Variants in CRTAM observed in about 807,000 individuals in gnomAD.
CRTAM encodes the protein cytotoxic and regulatory T cell molecule.
In CRTAM, 44 loss-of-function variants were observed where a neutral mutation model predicts 50.0. That is an observed-to-expected ratio of 0.88 (90% CI 0.69 to 1.13). The LOEUF is 1.13. CRTAM is among the 50% of genes most tolerant of loss of function. The pLI, the probability that CRTAM is intolerant of heterozygous loss-of-function variation, is 0.00. For missense variants in CRTAM, 448 were observed against 457.5 expected (o/e 0.98, Z 0.19); for synonymous variants, 159 against 169.3 (o/e 0.94, Z 0.47).
In CRTAM at chr11:122,864,704, C is replaced by T; in HGVS notation, c.802C>T (p.Pro268Ser). The change falls in exon 7 of 10, where the codon CCT becomes TCT. Residue 268 changes from proline to serine, a missense_variant. By Grantham distance (74) the Pro-to-Ser change is moderately conservative. Transcript: ENST00000227348. ...AGAGAAAGAACAAACCACTCAAGAT[C>T]CTGACTTGACCACCGGTAAGTGTCA... ...KEEKEQTTQD[P>S]DLTTEANPQY... 2 of 1,612,008 alleles carry T rather than the reference C, an allele frequency of 1.2e-6. No homozygotes were observed. Among genetic ancestry groups the T allele is most frequent in the Non-Finnish European group, 1.7e-6 (2 of 1,178,174 alleles).
intron 6 of CRTAM, among the ~76,000 whole-genome samples, chr11:122,863,334 AAAG>A (rs1862120787): frequency 2.3e-5 from 2 of 87,244 alleles, no homozygotes; most frequent in South Asian, 3.8e-4. Flanking sequence ...AGAAAGAAAG[AAAG>A]AAAGAAAGAA....
chr11:122,864,986 T>G (rs1287495338), intron 7 of CRTAM, among the ~76,000 whole-genome samples: 1 of 152,170 alleles, frequency 6.6e-6, no homozygotes, highest in Non-Finnish European at 1.5e-5. Flanking sequence ...TAAATGTGTA[T>G]GTACTTCTGA....
intron 1 of CRTAM, among the ~76,000 whole-genome samples, chr11:122,839,606 A>G (rs533985941): frequency 1.3e-5 from 2 of 152,282 alleles, no homozygotes; most frequent in African/African-American, 4.8e-5. Context: ...ATTATTTTCT[A>G]CCCAAAAGTG....
intron 1 of CRTAM, among the ~76,000 whole-genome samples, chr11:122,846,253 A>G (rs751027200): frequency 7.2e-5 from 11 of 152,216 alleles, no homozygotes; most frequent in Non-Finnish European, 1.6e-4. Context: ...TAGCATTTCA[A>G]TAGCAAACAA....
rs892412253 is a variant in CRTAM, at chr11:122,851,869, G to C, written c.346+24G>C. On this transcript the variant is annotated intron_variant, in intron 3 of 9. Coordinates refer to ENST00000227348, the MANE Select transcript of CRTAM (RefSeq NM_019604.4). ...GGGTAGGTACCTGCAAGTGAACCCAGTAGGGGAGCAATATGGATAGGAACA... is the reference window on the plus strand; with the variant it reads ...GGGTAGGTACCTGCAAGTGAACCCACTAGGGGAGCAATATGGATAGGAACA... 9 of 1,610,684 alleles carry C rather than the reference G, an allele frequency of 5.6e-6. No homozygotes were observed. The Middle Eastern group carries it at 8.3e-4, about 148-fold the overall frequency.
intron 1 of CRTAM, among the ~76,000 whole-genome samples, chr11:122,849,651 G>T (rs562074521): frequency 6.6e-6 from 1 of 152,276 alleles, no homozygotes; most frequent in South Asian, 2.1e-4. Flanking sequence ...GAACCCAGGA[G>T]GCGGAGGATG....
At chr11:122,838,624 C>T in intron 1 of CRTAM, 32 bp downstream of exon 1, 1 of 1,609,302 alleles carries the variant, frequency 6.2e-7, no homozygotes, top group Non-Finnish European at 8.5e-7. Context: ...TGTTGTTGCT[C>T]AGCTGACTTA....
Position 122,871,510 on chromosome 11 carries a change from C to A in CRTAM, c.*111C>A. On this transcript the variant is annotated 3_prime_UTR_variant, in exon 10 of 10. Transcript: ENST00000227348. ...AGACATTAATAATGACCTCTTAGTGCAATGCAAGATGGTGTCCTCGGATAA... is the reference window on the plus strand; with the variant it reads ...AGACATTAATAATGACCTCTTAGTGAAATGCAAGATGGTGTCCTCGGATAA... 2.3e-6 allele frequency: 2 copies of A among 874,188 alleles called. No individual in the cohort carries two copies. The highest frequency in any genetic ancestry group is 2.8e-5 in the Admixed American group (1 of 35,370). The allele number at this position is 874,188 out of a possible 1,614,324, so 54.2% of individuals were successfully genotyped here. A position where few individuals can be genotyped will look rare whatever the true frequency, so the allele number is the denominator to read the frequency against.
chr11:122,864,344 C>G (rs569934922), intron 6 of CRTAM, among the ~76,000 whole-genome samples: 1 of 152,312 alleles, frequency 6.6e-6, no homozygotes, highest in East Asian at 1.9e-4. Context: ...CATAACTGCT[C>G]TAAACCTCCG....
intron 5 of CRTAM, 73 bp downstream of exon 5, chr11:122,855,929 T>A: frequency 1.6e-6 from 2 of 1,244,508 alleles, no homozygotes; most frequent in Non-Finnish European, 2.3e-6. Flanking sequence ...CAAAATTAAA[T>A]GCAGTGGGCA....
chr11:122,855,240 G>A (rs1012674639), intron 4 of CRTAM, among the ~76,000 whole-genome samples: 3 of 152,128 alleles, frequency 2.0e-5, no homozygotes, highest in Non-Finnish European at 2.9e-5. Flanking sequence ...CACTGCGCCC[G>A]GCCTGTAATC....
At chr11:122,845,584 G>A (rs150774855) in intron 1 of CRTAM, among the ~76,000 whole-genome samples, 1 of 152,220 alleles carries the variant, frequency 6.6e-6, no homozygotes, top group Non-Finnish European at 1.5e-5. Flanking sequence ...GTGGGTGCCT[G>A]TAATCTCAGG....
intron 9 of CRTAM, 53 bp from the exon 10 acceptor site, chr11:122,871,216 G>A (rs767769283): frequency 9.5e-5 from 142 of 1,500,996 alleles, no homozygotes; most frequent in Non-Finnish European, 1.3e-4. Flanking sequence ...TCAAGTAAAT[G>A]GGTGCAATGT....
At chr11:122,865,938 C>T (rs1176822759) in intron 7 of CRTAM, among the ~76,000 whole-genome samples, 1 of 152,260 alleles carries the variant, frequency 6.6e-6, no homozygotes, top group African/African-American at 2.4e-5. Flanking sequence ...TCACTGTTAA[C>T]GTCCCAATCC....
rs1016656837 is a variant in CRTAM at position 122,854,109 on chromosome 11, T to C, written c.490+23T>C. ...CCGGTAAGGGGAGAAATGGTTCTCTTTGTCTTCCTTCCTACTCAAATTTCC... is the reference window on the plus strand; with the variant it reads ...CCGGTAAGGGGAGAAATGGTTCTCTCTGTCTTCCTTCCTACTCAAATTTCC... On this transcript the variant is annotated intron_variant, in intron 4 of 9. Coordinates refer to ENST00000227348, the MANE Select transcript of CRTAM (RefSeq NM_019604.4). 13 of 1,603,688 alleles carry C rather than the reference T, an allele frequency of 8.1e-6. No homozygotes were observed. In the African/African-American group the frequency reaches 1.3e-4, roughly 17 times the overall value.
intron 5 of CRTAM, among the ~76,000 whole-genome samples, chr11:122,862,017 G>A (rs1354206826): frequency 3.4e-5 from 5 of 147,042 alleles, no homozygotes; most frequent in African/African-American, 9.8e-5. Context: ...TTACAGATAA[G>A]AGAAAAAAAA....
Position 122,867,425 on chromosome 11 carries a change from T to G in CRTAM, c.834T>G (p.Tyr278Ter), listed in dbSNP as rs1255506529. The change falls in exon 8 of 10, where the codon TAT becomes TAG. Residue 278 changes from tyrosine (Y) to a stop codon, truncating the protein, a stop_gained. Transcript: ENST00000227348. LOFTEE classifies it high-confidence loss of function. ...TCCTTATAGAAGCAAATCCTCAGTA[T>G]TTAGGACTGGCAAGAAAGAAAAGTG... is the stretch of plus-strand genomic sequence containing the variant. ...PDLTTEANPQ[Y>*]LGLARKKSGI... 1.9e-6 allele frequency: 3 copies of G among 1,613,786 alleles called. No individual in the cohort carries two copies. Among genetic ancestry groups the G allele is most frequent in the African/African-American group, 1.3e-5 (1 of 74,870 alleles).
intron 9 of CRTAM, among the ~76,000 whole-genome samples, chr11:122,868,431 G>A (rs1448284292): frequency 6.6e-6 from 1 of 152,040 alleles, no homozygotes; most frequent in Non-Finnish European, 1.5e-5. Flanking sequence ...GAGTTCTGCT[G>A]CCAGGAGAGA....
chr11:122,862,004 A>G (rs3134409), intron 5 of CRTAM, among the ~76,000 whole-genome samples: 96,926 of 150,582 alleles, frequency 0.64, 31,056 homozygotes, highest in Middle Eastern at 0.71. Flanking sequence ...CAGTATCTCC[A>G]TTTTACAGAT....
Sources: allele counts gnomAD v4.1 joint callset (sites outside exome capture counted in the v4.1 genomes callset), GRCh38; gene constraint gnomAD v4.1.1; transcripts MANE v1.5; gene names NCBI Gene and HGNC (gene_info 2026-07-23, HGNC 2026-07-21).